The following VWA8 variants were observed in gnomAD, a reference collection of about 807,000 sequenced individuals.
The protein encoded by VWA8 is von Willebrand factor A domain-containing protein 8.
VWA8 carries 221 observed loss-of-function variants against 241.5 expected under a neutral mutation model. The observed-to-expected ratio is 0.91, with a 90% CI of 0.82 to 1.02. The LOEUF (loss-of-function observed/expected upper bound fraction) is 1.02. VWA8 is among the 50% of genes least tolerant of loss of function. The probability of loss-of-function intolerance (pLI) is 0.00; values close to 1 mark genes in which losing one functional copy is unlikely to be tolerated. For missense variants in VWA8, 2,322 were observed against 2,328.7 expected (o/e 1.00, Z 0.06); for synonymous variants, 852 against 827.1 (o/e 1.03, Z -0.52).
At chr13:41,791,771 T>C (rs1323221907) in intron 17 of VWA8, among the ~76,000 whole-genome samples, 2 of 151,900 alleles carry the variant, frequency 1.3e-5, no homozygotes, top group Non-Finnish European at 3.0e-5. Flanking sequence ...AATATATCAA[T>C]TTATATATTC....
At chr13:41,625,216 C>T (rs990166117) in intron 37 of VWA8, among the ~76,000 whole-genome samples, 1 of 151,962 alleles carries the variant, frequency 6.6e-6, no homozygotes, top group African/African-American at 2.4e-5. Context: ...GCAACAAAAG[C>T]CAAAATTGAC....
chr13:41,691,178 G>A lies in VWA8; in HGVS notation c.3866+142C>T, dbSNP rs181109810. The A allele has an allele frequency of 4.8e-5, 45 of 945,990 alleles. No homozygotes were observed. In the African/African-American group the frequency reaches 6.8e-4, roughly 14 times the overall value. The allele number at this position is 945,990 out of a possible 1,614,324, so 58.6% of individuals were successfully genotyped here. A position where few individuals can be genotyped will look rare whatever the true frequency, so the allele number is the denominator to read the frequency against. On this transcript the variant is annotated intron_variant, in intron 32 of 44. Transcript: ENST00000379310. ...TTTCTCCCCTCCTCAATTCTTATAA[G>A]TCTCATATATAGAGATGCTGCCAAA...
At chr13:41,898,571 A>G (rs2138094867) in intron 4 of VWA8, among the ~76,000 whole-genome samples, 1 of 152,362 alleles carries the variant, frequency 6.6e-6, no homozygotes, top group African/African-American at 2.4e-5. Flanking sequence ...GTCCTGCGCC[A>G]TGCGCTGGCA....
In VWA8 at chr13:41,783,778, C is replaced by T; in HGVS notation, c.2277+17G>A. The T allele has an allele frequency of 1.9e-6, 3 of 1,577,184 alleles. No homozygotes were observed. The highest frequency in any genetic ancestry group is 2.6e-6 in the Non-Finnish European group (3 of 1,150,558). On this transcript the variant is annotated intron_variant, in intron 19 of 44. Coordinates refer to ENST00000379310, the MANE Select transcript of VWA8 (RefSeq NM_015058.2). ...AATTTAAGTGATTTATCCAAGAACA[C>T]AAAGCAATACTCTTACCTGAATGTT...
chr13:41,841,205 C>G (rs1378996396), intron 12 of VWA8, among the ~76,000 whole-genome samples: 1 of 152,070 alleles, frequency 6.6e-6, no homozygotes, highest in Non-Finnish European at 1.5e-5. Context: ...GATTAATGAA[C>G]CCATGAATAG....
At chr13:41,763,113 A>AAAACAAAC (rs746738961) in intron 20 of VWA8, among the ~76,000 whole-genome samples, 3 of 151,842 alleles carry the variant, frequency 2.0e-5, no homozygotes, top group Admixed American at 6.6e-5. Context: ...ATAAAAACAA[A>AAAACAAAC]AAACAAACAA....
chr13:41,841,239 C>T (rs1317480866), intron 12 of VWA8, among the ~76,000 whole-genome samples: 2 of 152,126 alleles, frequency 1.3e-5, no homozygotes, highest in Non-Finnish European at 2.9e-5. Context: ...TAGGAATATA[C>T]CAATAACACA....
At chr13:41,926,746 A>G (rs1876862325) in intron 2 of VWA8, 2 of 538,558 alleles carry the variant, frequency 3.7e-6, no homozygotes, top group Admixed American at 3.9e-5. Context: ...ACTTCACCCC[A>G]CCCTTCCAGA....
intron 19 of VWA8, among the ~76,000 whole-genome samples, chr13:41,779,624 G>A (rs1287935268): frequency 6.6e-6 from 1 of 152,156 alleles, no homozygotes; most frequent in African/African-American, 2.4e-5. Context: ...ATCATTTTAA[G>A]CTGAGTTCTG....
At chr13:41,811,441 A>G in intron 16 of VWA8, 101 bp from the exon 17 acceptor site, 1 of 798,158 alleles carries the variant, frequency 1.3e-6, no homozygotes, top group Non-Finnish European at 1.9e-6. Flanking sequence ...TGAAGGGGTA[A>G]GGCCAAACTT....
chr13:41,926,697 AC>A (rs1266393757), intron 2 of VWA8: 1 of 538,440 alleles, frequency 1.9e-6, no homozygotes, highest in Non-Finnish European at 3.8e-6. Context: ...AAGGTCAGCT[AC>A]CACCCAGATG....
intron 37 of VWA8, among the ~76,000 whole-genome samples, chr13:41,653,624 C>G (rs1174614518): frequency 6.6e-6 from 1 of 152,098 alleles, no homozygotes; most frequent in Non-Finnish European, 1.5e-5. Flanking sequence ...GTAAAAAGAA[C>G]AAAGCTGGAG....
chr13:41,618,016 T>C (rs2044632859), intron 37 of VWA8, among the ~76,000 whole-genome samples: 1 of 152,200 alleles, frequency 6.6e-6, no homozygotes, highest in African/African-American at 2.4e-5. Flanking sequence ...CTGGGTCAAA[T>C]GGTATTTCTA....
At chr13:41,699,355 A>G (rs1489574154) in intron 28 of VWA8, 85 bp from the exon 29 acceptor site, 1 of 1,281,534 alleles carries the variant, frequency 7.8e-7, no homozygotes, top group Non-Finnish European at 1.1e-6. Context: ...TGAATCATGA[A>G]TACACAGCTG....
At chr13:41,590,872 G>C in intron 40 of VWA8, 107 bp from the exon 41 acceptor site, 2 of 1,418,926 alleles carry the variant, frequency 1.4e-6, no homozygotes, top group Non-Finnish European at 2.0e-6. Flanking sequence ...TTTTCAGTAA[G>C]TGATGGTTCT....
chr13:41,739,697 T>C (rs188365240), intron 21 of VWA8, among the ~76,000 whole-genome samples: 1 of 152,300 alleles, frequency 6.6e-6, no homozygotes, highest in East Asian at 1.9e-4. Flanking sequence ...TTATTGAGTC[T>C]TTATGATAGA....
At chr13:41,702,422 G>A (rs968053917) in intron 27 of VWA8, among the ~76,000 whole-genome samples, 1 of 152,210 alleles carries the variant, frequency 6.6e-6, no homozygotes, top group Non-Finnish European at 1.5e-5. Context: ...GCAGAAAAGA[G>A]GTAGTGGCCA....
At chr13:41,942,560 C>T (rs569582100) in intron 2 of VWA8, among the ~76,000 whole-genome samples, 5 of 152,306 alleles carry the variant, frequency 3.3e-5, no homozygotes, top group African/African-American at 1.2e-4. Flanking sequence ...CATGGGCAGA[C>T]ATAATGTACC....
intron 18 of VWA8, among the ~76,000 whole-genome samples, chr13:41,784,691 C>CATATATAT (rs1869062520): frequency 2.2e-5 from 1 of 45,448 alleles, no homozygotes; most frequent in African/African-American, 8.7e-5. Context: ...TATACATATA[C>CATATATAT]ATATACATAT....
Sources: allele counts gnomAD v4.1 joint callset (sites outside exome capture counted in the v4.1 genomes callset), GRCh38; gene constraint gnomAD v4.1.1; transcripts MANE v1.5; gene names NCBI Gene and HGNC (gene_info 2026-07-23, HGNC 2026-07-21).